CLUAP1: variants seen among roughly 807,000 people sequenced by gnomAD.
CLUAP1 encodes the protein clusterin-associated protein 1.
CLUAP1 carries 50 observed loss-of-function variants against 55.0 expected under a neutral mutation model. That is an observed-to-expected ratio of 0.91 (90% CI 0.72 to 1.15). CLUAP1 has a LOEUF of 1.15. Ranked by LOEUF, CLUAP1 falls within the 50% of genes most tolerant of loss-of-function variation. The probability of loss-of-function intolerance (pLI) is 0.00; values close to 1 mark genes in which losing one functional copy is unlikely to be tolerated. For missense variants in CLUAP1, 530 were observed against 507.6 expected, an observed-to-expected ratio of 1.04 and a Z score of -0.42; for synonymous variants, 195 against 175.4, an observed-to-expected ratio of 1.11 and a Z score of -0.88.
intron 9 of CLUAP1, among the ~76,000 whole-genome samples, chr16:3,529,568 T>A (rs1409087180): frequency 4.5e-5 from 2 of 44,788 alleles, no homozygotes; most frequent in African/African-American, 2.1e-4. Context: ...TTATTATATA[T>A]TATATATTAT....
intron 6 of CLUAP1, among the ~76,000 whole-genome samples, chr16:3,516,256 T>C (rs1216415099): frequency 6.6e-6 from 1 of 152,190 alleles, no homozygotes; most frequent in East Asian, 1.9e-4. Context: ...TTTATTTTAC[T>C]CAGTAGACAC....
upstream of CLUAP1, chr16:3,500,978 A>G (rs111497094): frequency 4.6e-3 from 6,303 of 1,371,730 alleles, 139 homozygotes; most frequent in African/African-American, 0.056. Flanking sequence ...CCAAGGGTCC[A>G]TTGGTTGCCA....
At chr16:3,528,710 T>C (rs766668910) in intron 9 of CLUAP1, among the ~76,000 whole-genome samples, 12 of 152,338 alleles carry the variant, frequency 7.9e-5, no homozygotes, top group Non-Finnish European at 1.5e-4. Flanking sequence ...CTAGGAGTTC[T>C]ATAGTTTTAG....
intron 4 of CLUAP1, among the ~76,000 whole-genome samples, chr16:3,510,798 T>C (rs2037609743): frequency 6.6e-6 from 1 of 152,230 alleles, no homozygotes; most frequent in Admixed American, 6.5e-5. Flanking sequence ...CCTGGAAGGA[T>C]GAAGTTGCCA....
intron 1 of CLUAP1, 50 bp from the exon 2 acceptor site, chr16:3,504,667 AAGT>A (rs2037468254): frequency 9.4e-6 from 9 of 962,262 alleles, no homozygotes; most frequent in Non-Finnish European, 1.5e-5. Context: ...CTAAGTTAAT[AAGT>A]AGTTGCTGTG....
rs766243031 is a variant in CLUAP1 at position 3,530,683 on chromosome 16, G to A, written c.1036+8G>A. ...TGGAGATGCTCATGCAAGGTACCCC[G>A]GCGTCTTTCGCTGGACTTCCTCCCT... On this transcript the variant is annotated splice_region_variant and intron_variant, in intron 10 of 11. Coordinates refer to ENST00000576634, the MANE Select transcript of CLUAP1 (RefSeq NM_015041.3). The A allele has an allele frequency of 5.6e-5, 91 of 1,610,622 alleles. No individual in the cohort carries two copies. The highest frequency in any genetic ancestry group is 3.6e-4 in the East Asian group (16 of 44,842).
chr16:3,520,900 C>T (rs1173995682), intron 7 of CLUAP1, among the ~76,000 whole-genome samples: 2 of 152,202 alleles, frequency 1.3e-5, no homozygotes, highest in Non-Finnish European at 2.9e-5. Flanking sequence ...CCCCATGCTT[C>T]TGCTCTTTCT....
intron 8 of CLUAP1, among the ~76,000 whole-genome samples, chr16:3,523,728 GC>G (rs780395748): frequency 6.6e-6 from 1 of 152,200 alleles, no homozygotes; most frequent in Non-Finnish European, 1.5e-5. Flanking sequence ...GCTTTGGGAG[GC>G]CAAGACGAGC....
chr16:3,503,035 G>A (rs978533649), intron 1 of CLUAP1, among the ~76,000 whole-genome samples: 4 of 152,138 alleles, frequency 2.6e-5, no homozygotes, highest in African/African-American at 9.7e-5. Context: ...AGGCTGGAGT[G>A]CAGTGGTGTG....
chr16:3,519,426 G>C (rs1441444758), intron 6 of CLUAP1, among the ~76,000 whole-genome samples: 1 of 152,236 alleles, frequency 6.6e-6, no homozygotes, highest in Non-Finnish European at 1.5e-5. Flanking sequence ...GCAGGCAGTG[G>C]GTTAGGGCTG....
intron 9 of CLUAP1, among the ~76,000 whole-genome samples, chr16:3,530,116 G>A (rs1196786033): frequency 1.3e-5 from 2 of 151,170 alleles, no homozygotes; most frequent in Non-Finnish European, 2.9e-5. Flanking sequence ...GCGAGAGAGA[G>A]CAAGAGATCA....
At chr16:3,499,615 C>G (rs185734543), upstream of CLUAP1, among the ~76,000 whole-genome samples, 2 of 152,326 alleles carry the variant, frequency 1.3e-5, no homozygotes, top group Admixed American at 1.3e-4. Context: ...TTTCTCCATT[C>G]TCTAATTAGA....
chr16:3,502,581 A>G (rs1342244961), intron 1 of CLUAP1, among the ~76,000 whole-genome samples: 1 of 152,068 alleles, frequency 6.6e-6, no homozygotes, highest in Non-Finnish European at 1.5e-5. Flanking sequence ...TTGGTTATGA[A>G]TTGCTCTTTT....
At chr16:3,495,961 A>T in the CLUAP1 span, among the ~76,000 whole-genome samples, 1 of 152,240 alleles carries the variant, frequency 6.6e-6, no homozygotes, top group Admixed American at 6.5e-5. Context: ...TAACACGGTG[A>T]AACCCCGTCT....
At position 3,536,206 on chromosome 16, in the gene CLUAP1, C is replaced by G. The variant is rs540682144; in HGVS notation, c.1177C>G (p.Pro393Ala). Reference protein sequence around the residue: ...DLEDESISLSPTKPNRRVRKS... With the variant: ...DLEDESISLSATKPNRRVRKS... ...GGAAGACGAGAGCATTTCTCTCTCACCAACCAAGCCCAATCGAAGGGTCCG... is the reference window on the plus strand; with the variant it reads ...GGAAGACGAGAGCATTTCTCTCTCAGCAACCAAGCCCAATCGAAGGGTCCG... Residue 393 changes from proline to alanine, a missense_variant, in exon 12 of 12, where the codon CCA becomes GCA. Transcript: ENST00000576634. The G allele has an allele frequency of 4.2e-5, 68 of 1,614,138 alleles. No homozygotes were observed. Among genetic ancestry groups the G allele is most frequent in the African/African-American group, 2.7e-4 (20 of 75,024 alleles).
chr16:3,512,659 CTTTA>C (rs928852406), intron 5 of CLUAP1, among the ~76,000 whole-genome samples, 181 bp downstream of exon 5: 6 of 152,162 alleles, frequency 3.9e-5, no homozygotes, highest in Admixed American at 6.5e-5. Flanking sequence ...ACTGGTCTAG[CTTTA>C]TTTATTTATT....
chr16:3,516,771 C>T (rs1452314893), intron 6 of CLUAP1, among the ~76,000 whole-genome samples: 2 of 152,124 alleles, frequency 1.3e-5, no homozygotes, highest in South Asian at 2.1e-4. Flanking sequence ...TCTGAGCACA[C>T]GTAGCACCTG....
intron 9 of CLUAP1, among the ~76,000 whole-genome samples, chr16:3,529,633 T>TTATA (rs1463796711): frequency 1.2e-3 from 15 of 12,344 alleles, no homozygotes; most frequent in African/African-American, 5.7e-3. Context: ...ATATTATATA[T>TTATA]TATTATATAT....
chr16:3,506,674 T>A (rs1233631875), intron 3 of CLUAP1, among the ~76,000 whole-genome samples: 2 of 152,034 alleles, frequency 1.3e-5, no homozygotes, highest in African/African-American at 2.4e-5. Flanking sequence ...GGCTAATTTT[T>A]GCATTTTTAG....
Sources: gnomAD v4.1 joint callset for allele counts (sites outside exome capture counted in the v4.1 genomes callset) on GRCh38, gnomAD v4.1.1 for gene constraint, MANE v1.5 for transcripts, NCBI Gene and HGNC (gene_info 2026-07-23, HGNC 2026-07-21) for gene names.